Variants in ZC3H12B observed in about 807,000 individuals in gnomAD.
ZC3H12B encodes probable ribonuclease ZC3H12B.
Under a neutral mutation model 43.9 loss-of-function variants are expected in ZC3H12B, and 7 were observed. That is an observed-to-expected ratio of 0.16 (90% confidence interval 0.09 to 0.30). The LOEUF (loss-of-function observed/expected upper bound fraction) is 0.30. ZC3H12B is among the 10% of genes least tolerant of loss of function. The pLI is 1.00. For missense variants in ZC3H12B, 475 were observed against 670.2 expected (o/e 0.71, Z 3.22); for synonymous variants, 222 against 241.7 (o/e 0.92, Z 0.76).
chrX:65,113,296 T>C, the ZC3H12B span, among the ~76,000 whole-genome samples: 1 of 112,035 alleles, frequency 8.9e-6, no homozygotes, highest in East Asian at 2.8e-4. Flanking sequence ...CTATGAACAT[T>C]GTTGAAATGA....
chrX:65,263,571 T>C, the ZC3H12B span, among the ~76,000 whole-genome samples: 19 of 110,807 alleles, frequency 1.7e-4, no homozygotes, highest in Admixed American at 5.8e-4. Flanking sequence ...ATGAGGGAAC[T>C]AGAAGGATAG....
chrX:65,158,304 A>G, the ZC3H12B span, among the ~76,000 whole-genome samples: 1 of 111,358 alleles, frequency 9.0e-6, no homozygotes, highest in Non-Finnish European at 1.9e-5. Flanking sequence ...GGAATGGCTG[A>G]GTCAAATGGT....
At chrX:65,282,757 C>T in the ZC3H12B span, among the ~76,000 whole-genome samples, 1 of 111,636 alleles carries the variant, frequency 9.0e-6, no homozygotes, top group Non-Finnish European at 1.9e-5. Flanking sequence ...CCTACACCCT[C>T]CCAAGACTAA....
the ZC3H12B span, among the ~76,000 whole-genome samples, chrX:65,269,275 G>A: frequency 2.7e-5 from 3 of 109,515 alleles, no homozygotes; most frequent in Non-Finnish European, 5.7e-5. Flanking sequence ...AAACCGGGAG[G>A]TGGAGGTTGC....
chrX:65,429,797 G>A (rs1027465514), intron 3 of ZC3H12B, among the ~76,000 whole-genome samples: 1 of 112,347 alleles, frequency 8.9e-6, no homozygotes, highest in Non-Finnish European at 1.9e-5. Context: ...GCTTAAAGAA[G>A]CAGTCTAGCC....
intron 3 of ZC3H12B, among the ~76,000 whole-genome samples, chrX:65,472,972 G>GTATATATATATATATATATATATA (rs1569420634): frequency 2.5e-5 from 2 of 78,982 alleles, no homozygotes; most frequent in African/African-American, 1.5e-4. Flanking sequence ...ATGTGTATGT[G>GTATATATATATATATATATATATA]TGTGTATATA....
At chrX:65,281,312 G>C in the ZC3H12B span, among the ~76,000 whole-genome samples, 2 of 105,130 alleles carry the variant, frequency 1.9e-5, no homozygotes, top group Non-Finnish European at 3.9e-5. Context: ...TCGGCTCACT[G>C]CAACCTCCGC....
chrX:65,422,707 C>T (rs1284364535), intron 3 of ZC3H12B, among the ~76,000 whole-genome samples: 1 of 109,641 alleles, frequency 9.1e-6, no homozygotes, highest in Non-Finnish European at 1.9e-5. Context: ...CTGACAGGCC[C>T]TGGTGTGTGA....
the ZC3H12B span, among the ~76,000 whole-genome samples, chrX:65,074,271 T>G: frequency 4.2e-5 from 4 of 94,982 alleles, no homozygotes; most frequent in African/African-American, 1.1e-4. Context: ...AGTTAACAGG[T>G]TTTTTTTTTA....
chrX:65,212,382 T>C, the ZC3H12B span, among the ~76,000 whole-genome samples: 1 of 55,476 alleles, frequency 1.8e-5, no homozygotes, highest in Non-Finnish European at 2.9e-5. Flanking sequence ...TATTGTATAA[T>C]ATGTAATATA....
the ZC3H12B span, among the ~76,000 whole-genome samples, chrX:65,319,823 A>G: frequency 9.0e-6 from 1 of 111,537 alleles, no homozygotes; most frequent in Non-Finnish European, 1.9e-5. Context: ...AAAAAACACC[A>G]CATGATCATA....
chrX:65,278,523 G>T, the ZC3H12B span, among the ~76,000 whole-genome samples: 3 of 111,503 alleles, frequency 2.7e-5, no homozygotes, highest in African/African-American at 9.8e-5. Flanking sequence ...TTACTTTTTT[G>T]ATAATCTTGC....
At chrX:65,452,487 C>A (rs774086110) in intron 3 of ZC3H12B, among the ~76,000 whole-genome samples, 1 of 108,866 alleles carries the variant, frequency 9.2e-6, no homozygotes, top group East Asian at 2.9e-4. Context: ...AGGTGATAGA[C>A]CTCTACAAGG....
At chrX:65,343,324 T>C in the ZC3H12B span, among the ~76,000 whole-genome samples, 1 of 112,184 alleles carries the variant, frequency 8.9e-6, no homozygotes, top group African/African-American at 3.2e-5. Context: ...TAACTCATTC[T>C]ATGAGGACAG....
chrX:65,449,391 G>C (rs1248269461), intron 3 of ZC3H12B, among the ~76,000 whole-genome samples: 1 of 111,529 alleles, frequency 9.0e-6, no homozygotes, highest in Non-Finnish European at 1.9e-5. Flanking sequence ...GGCCAAGGCG[G>C]GCGGATCACC....
intron 3 of ZC3H12B, among the ~76,000 whole-genome samples, chrX:65,473,455 AT>A (rs1426613703): frequency 1.7e-3 from 193 of 112,186 alleles, no homozygotes; most frequent in African/African-American, 5.8e-3. Flanking sequence ...ATGTCAATGG[AT>A]TTTGATAGAG....
chrX:65,503,594 C>G (rs1275813619), exon 5 of ZC3H12B: 2 of 120,945 alleles, frequency 1.7e-5, no homozygotes, highest in African/African-American at 6.7e-5. Context: ...TTTCCTTTTT[C>G]TCTTTTCGTT....
chrX:65,109,179 C>T, the ZC3H12B span, among the ~76,000 whole-genome samples: 97 of 111,598 alleles, frequency 8.7e-4, no homozygotes, highest in South Asian at 0.011. Context: ...TTTTATTTTA[C>T]TTTGGGGACA....
At chrX:65,223,346 T>C in the ZC3H12B span, among the ~76,000 whole-genome samples, 1 of 109,807 alleles carries the variant, frequency 9.1e-6, no homozygotes, top group Admixed American at 9.7e-5. Flanking sequence ...AGGAATTAAA[T>C]CTAAGATCTG....
Sources: allele counts gnomAD v4.1 joint callset (sites outside exome capture counted in the v4.1 genomes callset), GRCh38; gene constraint gnomAD v4.1.1; transcripts MANE v1.5; gene names NCBI Gene and HGNC (gene_info 2026-07-23, HGNC 2026-07-21).